The following THSD4 variants were observed in gnomAD, a reference collection of about 807,000 sequenced individuals.
The protein encoded by THSD4 is thrombospondin type 1 domain containing 4.
Under a neutral mutation model 119.0 loss-of-function variants are expected in THSD4, and 69 were observed. That is an observed-to-expected ratio of 0.58 (90% CI 0.48 to 0.71). The LOEUF (loss-of-function observed/expected upper bound fraction) is 0.71, where lower values mean the gene tolerates loss of function less well. Among genes scored for constraint, THSD4 ranks in the 30% least tolerant of loss-of-function variants. THSD4 has a pLI of 0.00. For missense variants in THSD4, 1,393 were observed against 1,391.1 expected, an observed-to-expected ratio of 1.00 and a Z score of -0.02; for synonymous variants, 524 against 540.4, an observed-to-expected ratio of 0.97 and a Z score of 0.42.
intron 1 of THSD4, among the ~76,000 whole-genome samples, chr15:71,107,373 G>A (rs1350464028): frequency 3.4e-5 from 5 of 148,028 alleles, no homozygotes; most frequent in Non-Finnish European, 3.0e-5. Context: ...AAAGAGAGAA[G>A]GAAGGAAGGA....
chr15:71,164,524 C>T (rs536851145), intron 3 of THSD4, among the ~76,000 whole-genome samples: 1 of 152,104 alleles, frequency 6.6e-6, no homozygotes, highest in East Asian at 1.9e-4. Context: ...CTTTAAATTT[C>T]CATGCCAATT....
In THSD4 at chr15:71,243,878, A is replaced by C. The variant is rs935293100; in HGVS notation, c.912+782A>C. The stretch of plus-strand genomic sequence containing the variant: ...TGTCTCACTGCAACCTCTGCCTCCC[A>C]GGTTCAAGCAATTTTCCTGCCTCAG... On this transcript the variant is annotated intron_variant, in intron 5 of 17. Coordinates refer to ENST00000261862, the MANE Select transcript of THSD4 (RefSeq NM_024817.3). Among the ~76,000 whole-genome samples, 13 of 136,668 alleles carry C rather than the reference A, an allele frequency of 9.5e-5. No homozygotes were observed. The Admixed American group carries it at 1.1e-3, about 12-fold the overall frequency. The allele number at this position is 136,668 out of a possible 152,430, so 89.7% of individuals were successfully genotyped here. A position where few individuals can be genotyped will look rare whatever the true frequency, so the allele number is the denominator to read the frequency against.
Position 71,377,891 on chromosome 15 carries a change from CACACACACACACACACACACA to C in THSD4, c.1016-33795_1016-33775del, listed in dbSNP as rs1252020746. ...CAACACACACACACACACACACACA[CACACACACACACACACACACA>C]CAATTTCCTTCAGTGACTCTTCTGA... On this transcript the variant is annotated intron_variant, in intron 6 of 17. Transcript: ENST00000261862. 7.1e-5 allele frequency among the ~76,000 whole-genome samples: 6 copies of C among 84,756 alleles called. No homozygotes were observed. In the East Asian group the frequency reaches 2.6e-3, roughly 36 times the overall value. The allele number at this position is 84,756 out of a possible 152,430, so 55.6% of individuals were successfully genotyped here. A position where few individuals can be genotyped will look rare whatever the true frequency, so the allele number is the denominator to read the frequency against.
At chr15:71,202,439 G>A (rs1047702268) in intron 3 of THSD4, among the ~76,000 whole-genome samples, 1 of 152,076 alleles carries the variant, frequency 6.6e-6, no homozygotes, top group Non-Finnish European at 1.5e-5. Context: ...TGCCCCACCA[G>A]CAAAAGAGTG....
intron 4 of THSD4, among the ~76,000 whole-genome samples, chr15:71,241,114 T>C (rs1382142712): frequency 6.6e-6 from 1 of 152,218 alleles, no homozygotes; most frequent in African/African-American, 2.4e-5. Flanking sequence ...TTCACCTTGA[T>C]TGCTATTTTA....
intron 6 of THSD4, among the ~76,000 whole-genome samples, chr15:71,351,331 A>G (rs761971367): frequency 6.6e-6 from 1 of 151,950 alleles, no homozygotes; most frequent in Non-Finnish European, 1.5e-5. Flanking sequence ...TGCATTTCCC[A>G]CCATAATACA....
intron 7 of THSD4, among the ~76,000 whole-genome samples, chr15:71,586,704 A>G (rs2049677432): frequency 6.6e-6 from 1 of 152,240 alleles, no homozygotes; most frequent in South Asian, 2.1e-4. Context: ...GCCATTTAAC[A>G]TAACCTAATT....
chr15:71,754,702 C>T (rs1281339502), intron 14 of THSD4, among the ~76,000 whole-genome samples: 2 of 152,288 alleles, frequency 1.3e-5, no homozygotes, highest in South Asian at 2.1e-4. Flanking sequence ...TCTCTGGCTG[C>T]AGTCTGTGAA....
chr15:71,218,173 C>A (rs976414954), intron 4 of THSD4, among the ~76,000 whole-genome samples: 1 of 152,188 alleles, frequency 6.6e-6, no homozygotes, highest in Non-Finnish European at 1.5e-5. Context: ...AGGCTTGAAA[C>A]CCAGGCCATC....
intron 3 of THSD4, among the ~76,000 whole-genome samples, chr15:71,208,846 A>G (rs1187222437): frequency 6.6e-6 from 1 of 152,098 alleles, no homozygotes. Flanking sequence ...TCCCTGGCTC[A>G]TGGCCCATCA....
At chr15:71,391,220 G>A (rs1265917752) in intron 6 of THSD4, among the ~76,000 whole-genome samples, 1 of 151,978 alleles carries the variant, frequency 6.6e-6, no homozygotes, top group African/African-American at 2.4e-5. Flanking sequence ...TAGTAGAGAC[G>A]GGGTTTCACC....
At chr15:71,600,841 G>C (rs901799726) in intron 7 of THSD4, among the ~76,000 whole-genome samples, 2 of 151,722 alleles carry the variant, frequency 1.3e-5, no homozygotes, top group African/African-American at 4.9e-5. Flanking sequence ...CCACCTCCCG[G>C]GTTCAAACGA....
At chr15:71,672,242 G>A (rs1347813030) in intron 8 of THSD4, among the ~76,000 whole-genome samples, 1 of 152,116 alleles carries the variant, frequency 6.6e-6, no homozygotes, top group Admixed American at 6.5e-5. Flanking sequence ...TATTCTCTTT[G>A]AAGCAATTGT....
chr15:71,454,820 T>C (rs1013051127), intron 7 of THSD4, among the ~76,000 whole-genome samples: 3 of 152,052 alleles, frequency 2.0e-5, no homozygotes, highest in Non-Finnish European at 2.9e-5. Context: ...GGAACAAAAT[T>C]AACAAGAATT....
chr15:71,504,495 A>T (rs1280799182), intron 7 of THSD4, among the ~76,000 whole-genome samples: 1 of 152,254 alleles, frequency 6.6e-6, no homozygotes, highest in African/African-American at 2.4e-5. Context: ...GAAACAAAGT[A>T]TTACAAATAA....
At chr15:71,525,220 A>G (rs1387253062) in intron 7 of THSD4, among the ~76,000 whole-genome samples, 3 of 152,204 alleles carry the variant, frequency 2.0e-5, no homozygotes, top group Non-Finnish European at 4.4e-5. Context: ...GATAGGTACC[A>G]TCAATCATCT....
intron 7 of THSD4, among the ~76,000 whole-genome samples, chr15:71,495,763 G>GT (rs1214420372): frequency 6.6e-6 from 1 of 152,192 alleles, no homozygotes; most frequent in East Asian, 1.9e-4. Flanking sequence ...GGTAAAAACT[G>GT]TTTTACAAAC....
At chr15:71,335,296 G>A (rs1164586325) in intron 6 of THSD4, among the ~76,000 whole-genome samples, 1 of 152,088 alleles carries the variant, frequency 6.6e-6, no homozygotes, top group African/African-American at 2.4e-5. Flanking sequence ...AATCAGTATT[G>A]TGGGCTTTGA....
At chr15:71,122,673 GCAGGGTTCC>G (rs2141354378) in intron 1 of THSD4, among the ~76,000 whole-genome samples, 1 of 152,254 alleles carries the variant, frequency 6.6e-6, no homozygotes, top group Admixed American at 6.5e-5. Flanking sequence ...TGCCACCTAA[GCAGGGTTCC>G]CATTTTTTAA....
Sources: gnomAD v4.1 joint callset for allele counts (sites outside exome capture counted in the v4.1 genomes callset) on GRCh38, gnomAD v4.1.1 for gene constraint, MANE v1.5 for transcripts, NCBI Gene and HGNC (gene_info 2026-07-23, HGNC 2026-07-21) for gene names.